Variants in FRMD6 observed in about 807,000 individuals in gnomAD.
FRMD6 encodes the protein FERM domain-containing protein 6.
FRMD6 carries 37 observed loss-of-function variants against 73.2 expected under a neutral mutation model. That is an observed-to-expected ratio of 0.51 (90% confidence interval 0.39 to 0.66). FRMD6 has a LOEUF of 0.66. Ranked by LOEUF, FRMD6 falls within the 30% of genes least tolerant of loss-of-function variation. The pLI, the probability that FRMD6 is intolerant of heterozygous loss-of-function variation, is 0.00. For synonymous variants in FRMD6, 273 were observed against 282.2 expected (o/e 0.97, Z 0.33); for missense variants, 714 against 780.5 (o/e 0.91, Z 1.02).
chr14:51,474,489 GC>G, the FRMD6 span, among the ~76,000 whole-genome samples: 1 of 152,188 alleles, frequency 6.6e-6, no homozygotes, highest in East Asian at 1.9e-4. Context: ...GGCTGGTGGG[GC>G]CGGAGGAGTT....
intron 4 of FRMD6, among the ~76,000 whole-genome samples, chr14:51,701,677 T>C (rs183612891): frequency 1.0e-3 from 155 of 150,602 alleles, no homozygotes; most frequent in African/African-American, 3.5e-3. Context: ...TAATAGCTTA[T>C]AGAAAATAAT....
intron 1 of FRMD6, among the ~76,000 whole-genome samples, chr14:51,565,963 G>C (rs575924677): frequency 2.8e-4 from 43 of 152,344 alleles, no homozygotes; most frequent in African/African-American, 1.0e-3. Context: ...AGGAGATTGA[G>C]ACCATCCTGG....
chr14:51,596,013 G>C (rs1169597126), intron 2 of FRMD6, among the ~76,000 whole-genome samples: 1 of 152,166 alleles, frequency 6.6e-6, no homozygotes, highest in Non-Finnish European at 1.5e-5. Context: ...GCCACCCGCT[G>C]TTTTCTATAG....
chr14:51,570,081 C>T (rs1381085730), intron 1 of FRMD6, among the ~76,000 whole-genome samples: 2 of 152,166 alleles, frequency 1.3e-5, no homozygotes, highest in Non-Finnish European at 2.9e-5. Context: ...TCCCAAAGTG[C>T]TGGGATTACA....
At chr14:51,510,841 G>A (rs533188587) in intron 1 of FRMD6, among the ~76,000 whole-genome samples, 36 of 152,290 alleles carry the variant, frequency 2.4e-4, no homozygotes, top group African/African-American at 8.4e-4. Flanking sequence ...CAGCAACAAT[G>A]CGTGTGATGT....
intron 1 of FRMD6, among the ~76,000 whole-genome samples, chr14:51,512,517 A>C (rs1311469814): frequency 6.6e-6 from 1 of 152,202 alleles, no homozygotes; most frequent in Non-Finnish European, 1.5e-5. Context: ...CAAGGCTGCC[A>C]CTGGAGAATT....
chr14:51,520,651 A>G (rs1884903020), intron 1 of FRMD6, among the ~76,000 whole-genome samples: 1 of 152,206 alleles, frequency 6.6e-6, no homozygotes, highest in Non-Finnish European at 1.5e-5. Context: ...CTCTTCCAGC[A>G]CTGTAGAAGG....
At chr14:51,498,288 T>C (rs370512032) in intron 1 of FRMD6, among the ~76,000 whole-genome samples, 9 of 152,240 alleles carry the variant, frequency 5.9e-5, no homozygotes, top group African/African-American at 1.9e-4. Context: ...TTCAAAAATA[T>C]GGGTTTCCCT....
At chr14:51,428,506 A>T in the FRMD6 span, among the ~76,000 whole-genome samples, 2 of 152,186 alleles carry the variant, frequency 1.3e-5, no homozygotes, top group African/African-American at 2.4e-5. Flanking sequence ...AACTGTATTT[A>T]AAGAAACATA....
intron 2 of FRMD6, among the ~76,000 whole-genome samples, chr14:51,626,774 C>T (rs951559401): frequency 1.1e-4 from 16 of 152,150 alleles, no homozygotes; most frequent in Non-Finnish European, 1.9e-4. Context: ...GACCTCTTTA[C>T]GTCTTTTCTC....
chr14:51,534,159 C>T (rs775882453), intron 1 of FRMD6, among the ~76,000 whole-genome samples: 1 of 152,212 alleles, frequency 6.6e-6, no homozygotes, highest in East Asian at 1.9e-4. Context: ...GACAGCCATC[C>T]ACATAGTTCA....
chr14:51,726,046 C>T (rs1313200685), intron 13 of FRMD6, among the ~76,000 whole-genome samples, 176 bp downstream of exon 13: 3 of 152,150 alleles, frequency 2.0e-5, no homozygotes, highest in Non-Finnish European at 4.4e-5. Flanking sequence ...GCTAGTTCTG[C>T]TTATCTTTGA....
At chr14:51,707,445 C>T (rs1317142844) in intron 6 of FRMD6, among the ~76,000 whole-genome samples, 2 of 152,136 alleles carry the variant, frequency 1.3e-5, no homozygotes, top group Non-Finnish European at 2.9e-5. Flanking sequence ...CTGCTGGATA[C>T]TATATATTTG....
At chr14:51,721,903 C>T (rs780934551) in intron 11 of FRMD6, 46 bp from the exon 12 acceptor site, 3 of 1,607,236 alleles carry the variant, frequency 1.9e-6, no homozygotes, top group East Asian at 4.5e-5. Context: ...TTATGATGGT[C>T]ATTTCCCTTT....
chr14:51,447,458 T>C, the FRMD6 span, among the ~76,000 whole-genome samples: 134,491 of 152,156 alleles, frequency 0.88, 59,809 homozygotes, highest in African/African-American at 0.96. Flanking sequence ...TGGGATGCAG[T>C]TATCAGAGGC....
chr14:51,485,828 T>C (rs191990545), upstream of FRMD6, among the ~76,000 whole-genome samples: 66 of 152,212 alleles, frequency 4.3e-4, no homozygotes, highest in Middle Eastern at 3.4e-3. Context: ...GAAAAACCTT[T>C]TCAACAGGTT....
At chr14:51,672,907 T>G (rs1370485198) in intron 1 of FRMD6, among the ~76,000 whole-genome samples, 1 of 152,152 alleles carries the variant, frequency 6.6e-6, no homozygotes, top group Non-Finnish European at 1.5e-5. Context: ...GGAGGATAAG[T>G]GTAGATAAGT....
intron 6 of FRMD6, among the ~76,000 whole-genome samples, 177 bp from the exon 7 acceptor site, chr14:51,707,901 T>C (rs1896721061): frequency 1.3e-5 from 2 of 152,198 alleles, no homozygotes; most frequent in African/African-American, 4.8e-5. Context: ...GCTTCTAGTA[T>C]TAGCTGATTT....
intron 1 of FRMD6, among the ~76,000 whole-genome samples, chr14:51,682,054 C>G (rs1894837626): frequency 6.6e-6 from 1 of 152,072 alleles, no homozygotes; most frequent in South Asian, 2.1e-4. Flanking sequence ...TGAGATATTC[C>G]TTTGTTGCTG....
Sources: gnomAD v4.1 joint callset for allele counts (sites outside exome capture counted in the v4.1 genomes callset) on GRCh38, gnomAD v4.1.1 for gene constraint, MANE v1.5 for transcripts, NCBI Gene and HGNC (gene_info 2026-07-23, HGNC 2026-07-21) for gene names.